The following PPM1H variants were observed in gnomAD, a reference collection of about 807,000 sequenced individuals.
The protein encoded by PPM1H is protein phosphatase, Mg2+/Mn2+ dependent 1H.
PPM1H carries 27 observed loss-of-function variants against 54.9 expected under a neutral mutation model. That is an observed-to-expected ratio of 0.49 (90% CI 0.36 to 0.68). The LOEUF (loss-of-function observed/expected upper bound fraction) is 0.68, where lower values mean the gene tolerates loss of function less well. Ranked by LOEUF, PPM1H falls within the 30% of genes least tolerant of loss-of-function variation. PPM1H has a pLI of 0.00. For synonymous variants in PPM1H, 305 were observed against 270.8 expected (o/e 1.13, Z -1.24); for missense variants, 596 against 667.8 (o/e 0.89, Z 1.19).
chr12:62,787,468 G>GCAAAATCTGT (rs1470994340), intron 4 of PPM1H, among the ~76,000 whole-genome samples: 2 of 152,126 alleles, frequency 1.3e-5, no homozygotes, highest in African/African-American at 4.8e-5. Flanking sequence ...AATATTTGTT[G>GCAAAATCTGT]CAAAATCTGT....
At chr12:62,731,352 G>A (rs755647799) in intron 5 of PPM1H, among the ~76,000 whole-genome samples, 5 of 152,166 alleles carry the variant, frequency 3.3e-5, no homozygotes, top group Non-Finnish European at 7.4e-5. Context: ...CAGGCTTGCT[G>A]GCTTTAGCCA....
rs571003538 is a variant in PPM1H at position 62,780,569 on chromosome 12, G to A, written c.869+7657C>T. Among the ~76,000 whole-genome samples the A allele has an allele frequency of 2.0e-5, 3 of 152,326 alleles. No individual in the cohort carries two copies. The East Asian group carries it at 5.8e-4, about 29-fold the overall frequency. On this transcript the variant is annotated intron_variant, in intron 4 of 9. Transcript: ENST00000228705. ...GATCTTCCTGCCTTGGCCTCCTAAA[G>A]TGCTGGGATTACAGACATGAGCCAC...
Position 62,725,884 on chromosome 12 carries a change from ACCC to A in PPM1H, c.955-5598_955-5596del, listed in dbSNP as rs374132405. Among the ~76,000 whole-genome samples the A allele has an allele frequency of 2.0e-4, 31 of 151,650 alleles. 1 individual carries two copies. The East Asian group carries it at 4.6e-3, about 23-fold the overall frequency. ...GTTCTGAGGAAATACTGTCATAGTC[ACCC>A]CCCCACTGATACTGATGCCACACTC... is the stretch of plus-strand genomic sequence containing the variant. On this transcript the variant is annotated intron_variant, in intron 5 of 9. Transcript: ENST00000228705.
chr12:62,878,945 A>G lies in PPM1H; in HGVS notation c.246-46666T>C, dbSNP rs1406933354. ...ACAGGGCAAGACTCCGTCTCAAAAA[A>G]AGAAAAAAAAAGAAAACTACTGATT... is the stretch of plus-strand genomic sequence containing the variant. On this transcript the variant is annotated intron_variant, in intron 1 of 9. Transcript: ENST00000228705. Among the ~76,000 whole-genome samples, 3 of 152,230 alleles carry G rather than the reference A, an allele frequency of 2.0e-5. No individual in the cohort carries two copies. The East Asian group carries it at 5.8e-4, about 29-fold the overall frequency.
At chr12:62,724,806 T>C (rs581748) in intron 5 of PPM1H, among the ~76,000 whole-genome samples, 84,950 of 152,056 alleles carry the variant, frequency 0.56, 27,047 homozygotes, top group African/African-American at 0.88. Context: ...GAGCTGAGAC[T>C]TAGACACATT....
At chr12:62,717,671 A>G (rs1351571589) in intron 6 of PPM1H, among the ~76,000 whole-genome samples, 1 of 152,208 alleles carries the variant, frequency 6.6e-6, no homozygotes, top group African/African-American at 2.4e-5. Flanking sequence ...ACAAAAACAA[A>G]AAACAAAAAC....
At position 62,878,626 on chromosome 12, in the gene PPM1H, TAAAAAAAAA is replaced by T. The variant is rs34587900; in HGVS notation, c.246-46356_246-46348del. ...TTTTGTTTGAAACAATGATTACGCT[TAAAAAAAAA>T]AAAAAAAAAAAAAAAAAAAAGAGGC... On this transcript the variant is annotated intron_variant, in intron 1 of 9. Coordinates refer to ENST00000228705, the MANE Select transcript of PPM1H (RefSeq NM_020700.2). Among the ~76,000 whole-genome samples, 44 of 81,580 alleles carry T rather than the reference TAAAAAAAAA, an allele frequency of 5.4e-4. No homozygotes were observed. In the South Asian group the frequency reaches 5.4e-3, roughly 10 times the overall value. 53.5% of individuals were successfully genotyped at this position (81,580 alleles called of 152,430 possible).
chr12:62,806,844 G>A (rs888435609), intron 2 of PPM1H, among the ~76,000 whole-genome samples: 9 of 152,102 alleles, frequency 5.9e-5, no homozygotes, highest in Non-Finnish European at 1.2e-4. Context: ...AACATACTAA[G>A]ACACTGATCA....
chr12:62,831,188 T>G (rs943080656), intron 2 of PPM1H, among the ~76,000 whole-genome samples: 2 of 152,204 alleles, frequency 1.3e-5, no homozygotes, highest in African/African-American at 4.8e-5. Flanking sequence ...AAGAAAAGAT[T>G]CCTAGATCTT....
At chr12:62,904,706 T>C (rs1215187593) in intron 1 of PPM1H, among the ~76,000 whole-genome samples, 1 of 152,014 alleles carries the variant, frequency 6.6e-6, no homozygotes, top group Non-Finnish European at 1.5e-5. Flanking sequence ...GCTACGGAGG[T>C]TGGTGTGAGC....
chr12:62,758,929 G>A (rs1369113449), intron 4 of PPM1H, among the ~76,000 whole-genome samples: 3 of 152,066 alleles, frequency 2.0e-5, no homozygotes, highest in Admixed American at 6.5e-5. Flanking sequence ...CACCCTAACC[G>A]ATCAATGTAC....
At chr12:62,927,078 T>A (rs1435185629) in intron 1 of PPM1H, among the ~76,000 whole-genome samples, 3 of 152,266 alleles carry the variant, frequency 2.0e-5, no homozygotes, top group Non-Finnish European at 4.4e-5. Flanking sequence ...GTATATTTCA[T>A]CTATCAGATC....
chr12:62,833,000 A>G (rs1161900878), intron 1 of PPM1H, among the ~76,000 whole-genome samples: 2 of 152,210 alleles, frequency 1.3e-5, no homozygotes, highest in Non-Finnish European at 2.9e-5. Context: ...TCAGGAAAAC[A>G]TGCTGCATCA....
intron 2 of PPM1H, among the ~76,000 whole-genome samples, chr12:62,803,877 G>A (rs1473766920): frequency 6.6e-6 from 1 of 152,106 alleles, no homozygotes; most frequent in African/African-American, 2.4e-5. Context: ...AAACAAGCAA[G>A]CCGATGAAAA....
At chr12:62,736,216 G>A (rs1421717333) in intron 5 of PPM1H, among the ~76,000 whole-genome samples, 3 of 152,262 alleles carry the variant, frequency 2.0e-5, no homozygotes, top group African/African-American at 2.4e-5. Flanking sequence ...TGGCCCTATC[G>A]TCCAGCTCTC....
intron 2 of PPM1H, among the ~76,000 whole-genome samples, chr12:62,829,035 C>T (rs1299114328): frequency 2.0e-5 from 3 of 152,006 alleles, no homozygotes; most frequent in Admixed American, 6.5e-5. Context: ...CTGTGAAAAA[C>T]GGTGGTAGTC....
At chr12:62,906,144 C>T (rs1871295842) in intron 1 of PPM1H, among the ~76,000 whole-genome samples, 1 of 152,198 alleles carries the variant, frequency 6.6e-6, no homozygotes, top group Non-Finnish European at 1.5e-5. Flanking sequence ...GTCAGACTAT[C>T]TTTCTGGCTC....
At chr12:62,780,567 A>C (rs1313183039) in intron 4 of PPM1H, among the ~76,000 whole-genome samples, 1 of 152,166 alleles carries the variant, frequency 6.6e-6, no homozygotes, top group African/African-American at 2.4e-5. Flanking sequence ...TGGCCTCCTA[A>C]AGTGCTGGGA....
intron 8 of PPM1H, among the ~76,000 whole-genome samples, chr12:62,669,561 CTG>C (rs2136615067): frequency 6.6e-6 from 1 of 152,294 alleles, no homozygotes; most frequent in East Asian, 1.9e-4. Flanking sequence ...TTTATGATGA[CTG>C]TGGAGACTGT....
Sources: allele counts gnomAD v4.1 joint callset (sites outside exome capture counted in the v4.1 genomes callset), GRCh38; gene constraint gnomAD v4.1.1; transcripts MANE v1.5; gene names NCBI Gene and HGNC (gene_info 2026-07-23, HGNC 2026-07-21).